The following HDX variants were observed in gnomAD, a reference collection of about 807,000 sequenced individuals.
HDX encodes the protein highly divergent homeobox.
In HDX, 19 loss-of-function variants were observed where a neutral mutation model predicts 45.2. The observed-to-expected ratio is 0.42, with a 90% confidence interval of 0.29 to 0.62. The LOEUF is 0.62. Ranked by LOEUF, HDX falls within the 20% of genes least tolerant of loss-of-function variation. The pLI, the probability that HDX is intolerant of heterozygous loss-of-function variation, is 0.20. For synonymous variants in HDX, 188 were observed against 172.8 expected (o/e 1.09, Z -0.69); for missense variants, 532 against 493.9 (o/e 1.08, Z -0.73).
At chrX:84,487,025 T>C (rs7890584) in intron 2 of HDX, among the ~76,000 whole-genome samples, 5,139 of 111,786 alleles carry the variant, frequency 0.046, 302 homozygotes, top group African/African-American at 0.16. Context: ...TATTTCTACA[T>C]ATTTTTTTCC....
intron 5 of HDX, among the ~76,000 whole-genome samples, chrX:84,366,663 C>T (rs777844779): frequency 1.8e-4 from 20 of 110,945 alleles, no homozygotes; most frequent in African/African-American, 6.2e-4. Context: ...GAACAGGGGC[C>T]TCAGAAATAA....
intron 2 of HDX, among the ~76,000 whole-genome samples, chrX:84,481,639 A>C (rs2040682055): frequency 9.0e-6 from 1 of 111,588 alleles, no homozygotes; most frequent in Non-Finnish European, 1.9e-5. Context: ...TCACCTTTTT[A>C]AGTGCTTGGA....
intron 6 of HDX, among the ~76,000 whole-genome samples, chrX:84,345,440 A>T (rs1345857118): frequency 1.8e-5 from 2 of 111,102 alleles, no homozygotes; most frequent in Admixed American, 9.6e-5. Flanking sequence ...TTCCCTGGAG[A>T]TTCATTCAAG....
At chrX:84,336,910 T>G (rs1294632452) in intron 7 of HDX, 30 bp from the exon 8 acceptor site, 1 of 974,884 alleles carries the variant, frequency 1.0e-6, no homozygotes, top group Non-Finnish European at 1.4e-6. Context: ...AATTTCATTT[T>G]CATTTCGCAA....
At chrX:84,476,609 G>C (rs1012861303) in intron 2 of HDX, among the ~76,000 whole-genome samples, 4 of 103,578 alleles carry the variant, frequency 3.9e-5, no homozygotes, top group African/African-American at 1.4e-4. Flanking sequence ...GAAAAGAAAA[G>C]AAAAAAGAAA....
At chrX:84,428,090 G>A (rs2039422881) in intron 5 of HDX, among the ~76,000 whole-genome samples, 1 of 110,382 alleles carries the variant, frequency 9.1e-6, no homozygotes, top group African/African-American at 3.3e-5. Flanking sequence ...ATCTCCTTTG[G>A]TGAAGTGTCT....
At chrX:84,399,257 C>T (rs6623014) in intron 5 of HDX, among the ~76,000 whole-genome samples, 1 of 107,689 alleles carries the variant, frequency 9.3e-6, no homozygotes, top group Admixed American at 9.9e-5. Flanking sequence ...AACCCCCCCC[C>T]AAAAAAACAA....
chrX:84,368,909 A>C (rs1355934621), intron 5 of HDX, among the ~76,000 whole-genome samples: 1 of 110,887 alleles, frequency 9.0e-6, no homozygotes, highest in African/African-American at 3.3e-5. Context: ...TTGCATGCAC[A>C]GTTCACAATA....
intron 4 of HDX, among the ~76,000 whole-genome samples, chrX:84,455,178 T>A (rs1167917016): frequency 9.0e-6 from 1 of 111,448 alleles, no homozygotes; most frequent in East Asian, 2.8e-4. Flanking sequence ...CAGACGAACA[T>A]CCACAACCAT....
chrX:84,471,436 A>ATT (rs1246566488), intron 3 of HDX, among the ~76,000 whole-genome samples: 2 of 106,673 alleles, frequency 1.9e-5, no homozygotes, highest in African/African-American at 3.4e-5. Context: ...TATTTTATAT[A>ATT]TTATATATAT....
At chrX:84,478,512 C>T (rs982710022) in intron 2 of HDX, among the ~76,000 whole-genome samples, 1 of 111,807 alleles carries the variant, frequency 8.9e-6, no homozygotes, top group Non-Finnish European at 1.9e-5. Flanking sequence ...CAATGCCTTA[C>T]TAATGCCCCA....
chrX:84,446,713 T>C (rs1190304954), intron 4 of HDX, among the ~76,000 whole-genome samples: 1 of 112,170 alleles, frequency 8.9e-6, no homozygotes, highest in African/African-American at 3.2e-5. Flanking sequence ...AACAACTTTA[T>C]ACTAGTTCTT....
chrX:84,327,120 C>T (rs1003569304), intron 9 of HDX, among the ~76,000 whole-genome samples: 2 of 111,030 alleles, frequency 1.8e-5, no homozygotes, highest in Non-Finnish European at 3.8e-5. Flanking sequence ...TCTGTTATTC[C>T]AAGAAATCTG....
chrX:84,323,322 A>G (rs2036639509), intron 10 of HDX, among the ~76,000 whole-genome samples: 1 of 111,313 alleles, frequency 9.0e-6, no homozygotes, highest in Admixed American at 9.6e-5. Context: ...TTCTCCTAGA[A>G]AAGTGTTTTA....
At chrX:84,334,221 T>C (rs1041375514) in intron 8 of HDX, among the ~76,000 whole-genome samples, 3 of 111,312 alleles carry the variant, frequency 2.7e-5, no homozygotes, top group Non-Finnish European at 5.7e-5. Flanking sequence ...CTTTTTTAAG[T>C]TTCCACATGC....
chrX:84,347,014 T>C (rs1170268979), intron 6 of HDX, among the ~76,000 whole-genome samples: 1 of 111,623 alleles, frequency 9.0e-6, no homozygotes, highest in Non-Finnish European at 1.9e-5. Flanking sequence ...ATTTCTTTTA[T>C]CAGAGTTTTG....
At chrX:84,411,941 A>G (rs2038996266) in intron 5 of HDX, among the ~76,000 whole-genome samples, 1 of 110,521 alleles carries the variant, frequency 9.0e-6, no homozygotes, top group Non-Finnish European at 1.9e-5. Context: ...TTTTTTTATC[A>G]TTTTTGGTAT....
intron 5 of HDX, among the ~76,000 whole-genome samples, chrX:84,396,422 G>T (rs1270564809): frequency 8.9e-6 from 1 of 112,200 alleles, no homozygotes; most frequent in African/African-American, 3.2e-5. Context: ...CCCAGTGGTG[G>T]CATTGGTAGT....
At chrX:84,352,602 C>T (rs1213551196) in intron 6 of HDX, among the ~76,000 whole-genome samples, 1 of 111,420 alleles carries the variant, frequency 9.0e-6, no homozygotes, top group Non-Finnish European at 1.9e-5. Flanking sequence ...TATTCATCCC[C>T]TCAAGCATTT....
Sources: allele counts gnomAD v4.1 joint callset (sites outside exome capture counted in the v4.1 genomes callset), GRCh38; gene constraint gnomAD v4.1.1; transcripts MANE v1.5; gene names NCBI Gene and HGNC (gene_info 2026-07-23, HGNC 2026-07-21).